The following MBNL1 variants were observed in gnomAD, a reference collection of about 807,000 sequenced individuals.
MBNL1 encodes muscleblind like splicing regulator 1.
Under a neutral mutation model 42.2 loss-of-function variants are expected in MBNL1, and 8 were observed. That is an observed-to-expected ratio of 0.19 (90% CI 0.11 to 0.34). The LOEUF (loss-of-function observed/expected upper bound fraction) is 0.34, where lower values mean the gene tolerates loss of function less well. Ranked by LOEUF, MBNL1 falls within the 10% of genes least tolerant of loss-of-function variation. MBNL1 has a pLI of 1.00. For synonymous variants in MBNL1, 169 were observed against 173.9 expected, an observed-to-expected ratio of 0.97 and a Z score of 0.22; for missense variants, 309 against 495.3, an observed-to-expected ratio of 0.62 and a Z score of 3.57.
intron 2 of MBNL1, among the ~76,000 whole-genome samples, chr3:152,337,864 A>T (rs2091458026): frequency 6.6e-6 from 1 of 152,188 alleles, no homozygotes; most frequent in Non-Finnish European, 1.5e-5. Context: ...TACTAAAAAC[A>T]ATTTTAATTA....
At chr3:152,319,518 T>C (rs1039830158) in intron 2 of MBNL1, among the ~76,000 whole-genome samples, 4 of 151,624 alleles carry the variant, frequency 2.6e-5, no homozygotes, top group African/African-American at 9.7e-5. Flanking sequence ...TTGACACACC[T>C]GACAGATGAA....
intron 1 of MBNL1, among the ~76,000 whole-genome samples, chr3:152,297,955 A>AT (rs750227359): frequency 6.6e-6 from 1 of 152,122 alleles, no homozygotes; most frequent in Non-Finnish European, 1.5e-5. Context: ...AGCTTGATTG[A>AT]TTTTTTAAAT....
At chr3:152,403,908 C>T (rs1229235402) in intron 2 of MBNL1, among the ~76,000 whole-genome samples, 1 of 152,100 alleles carries the variant, frequency 6.6e-6, no homozygotes, top group African/African-American at 2.4e-5. Flanking sequence ...GGAGTGTTTT[C>T]TCCATGGGGA....
intron 6 of MBNL1, among the ~76,000 whole-genome samples, chr3:152,454,717 G>A (rs1730204553): frequency 6.6e-6 from 1 of 152,044 alleles, no homozygotes; most frequent in African/African-American, 2.4e-5. Flanking sequence ...ACTCTAATTA[G>A]CAGTTTCTTG....
chr3:152,406,097 A>G (rs546669760), intron 2 of MBNL1, among the ~76,000 whole-genome samples: 3 of 152,210 alleles, frequency 2.0e-5, no homozygotes, highest in Non-Finnish European at 2.9e-5. Flanking sequence ...TCACAAGGTC[A>G]TAGAGACTCT....
intron 6 of MBNL1, among the ~76,000 whole-genome samples, chr3:152,451,401 T>C (rs1450096072): frequency 6.6e-6 from 1 of 152,176 alleles, no homozygotes; most frequent in Non-Finnish European, 1.5e-5. Context: ...CCTATCATTC[T>C]GTTCTCCCCT....
intron 5 of MBNL1, 64 bp downstream of exon 5, chr3:152,445,603 T>G: frequency 6.6e-7 from 1 of 1,505,762 alleles, no homozygotes; most frequent in East Asian, 2.3e-5. Flanking sequence ...CAACTATATC[T>G]GACTACAAGC....
intron 1 of MBNL1, among the ~76,000 whole-genome samples, chr3:152,285,346 T>C (rs1164231657): frequency 6.6e-6 from 1 of 152,226 alleles, no homozygotes; most frequent in Non-Finnish European, 1.5e-5. Flanking sequence ...TCAGAAGAGC[T>C]GATTTGGAGT....
intron 2 of MBNL1, among the ~76,000 whole-genome samples, chr3:152,392,293 A>T (rs1406587099): frequency 1.3e-5 from 2 of 152,156 alleles, no homozygotes; most frequent in Admixed American, 1.3e-4. Flanking sequence ...TTTCTTTGTA[A>T]TACTTTTATT....
At chr3:152,271,102 T>G (rs2041432530) in intron 1 of MBNL1, among the ~76,000 whole-genome samples, 1 of 152,232 alleles carries the variant, frequency 6.6e-6, no homozygotes, top group African/African-American at 2.4e-5. Flanking sequence ...TGTGGTACTC[T>G]GCGCAGTCAT....
At chr3:152,293,939 A>G (rs1022480411) in intron 1 of MBNL1, among the ~76,000 whole-genome samples, 6 of 151,786 alleles carry the variant, frequency 4.0e-5, no homozygotes, top group African/African-American at 1.5e-4. Context: ...ACTCTTAAAT[A>G]GGCATTCATA....
At chr3:152,397,822 A>C (rs2098042281) in intron 2 of MBNL1, among the ~76,000 whole-genome samples, 1 of 152,320 alleles carries the variant, frequency 6.6e-6, no homozygotes, top group South Asian at 2.1e-4. Flanking sequence ...ATAAACCAGT[A>C]AACTAGCAAA....
At chr3:152,385,121 C>A (rs1001973854) in intron 2 of MBNL1, among the ~76,000 whole-genome samples, 1 of 152,002 alleles carries the variant, frequency 6.6e-6, no homozygotes, top group African/African-American at 2.4e-5. Flanking sequence ...ATGTGATTTG[C>A]ATCTTTGCTG....
chr3:152,321,114 T>C (rs2076222778), intron 2 of MBNL1, among the ~76,000 whole-genome samples: 2 of 152,116 alleles, frequency 1.3e-5, no homozygotes, highest in Admixed American at 1.3e-4. Flanking sequence ...AACTGAAAAG[T>C]TCTAGAGAGT....
intron 2 of MBNL1, chr3:152,340,958 C>T: frequency 2.0e-6 from 3 of 1,510,614 alleles, no homozygotes; most frequent in East Asian, 2.3e-5. Flanking sequence ...TGCACCTATA[C>T]CACTTTCCTG....
At chr3:152,307,595 CA>C (rs1175452863) in intron 2 of MBNL1, among the ~76,000 whole-genome samples, 2 of 152,126 alleles carry the variant, frequency 1.3e-5, no homozygotes, top group African/African-American at 2.4e-5. Context: ...TTCCATTTCA[CA>C]GATGGACACA....
chr3:152,289,839 G>T (rs1306167298), intron 1 of MBNL1, among the ~76,000 whole-genome samples: 1 of 152,024 alleles, frequency 6.6e-6, no homozygotes, highest in South Asian at 2.1e-4. Context: ...AAATAATAGG[G>T]ACTTTTACTG....
chr3:152,387,452 A>G (rs1437945047), intron 2 of MBNL1, among the ~76,000 whole-genome samples: 2 of 152,166 alleles, frequency 1.3e-5, no homozygotes, highest in African/African-American at 4.8e-5. Flanking sequence ...TTAAAATATG[A>G]AAGGACTAAA....
intron 2 of MBNL1, among the ~76,000 whole-genome samples, chr3:152,328,869 C>A (rs1003256470): frequency 1.3e-5 from 2 of 152,118 alleles, no homozygotes; most frequent in Admixed American, 1.3e-4. Context: ...ATAGCTTAAT[C>A]TGAACAGCAC....
Sources: gnomAD v4.1 joint callset for allele counts (sites outside exome capture counted in the v4.1 genomes callset) on GRCh38, gnomAD v4.1.1 for gene constraint, MANE v1.5 for transcripts, NCBI Gene and HGNC (gene_info 2026-07-23, HGNC 2026-07-21) for gene names.